Variants in FRMD4B observed in about 807,000 individuals in gnomAD.
FRMD4B encodes FERM domain containing 4B, also known as FERM domain-containing protein 4B.
In FRMD4B, 74 loss-of-function variants were observed where a neutral mutation model predicts 141.5. That is an observed-to-expected ratio of 0.52 (90% confidence interval 0.43 to 0.63). The LOEUF (loss-of-function observed/expected upper bound fraction) is 0.63. FRMD4B is among the 30% of genes least tolerant of loss of function. FRMD4B has a pLI of 0.00. For synonymous variants in FRMD4B, 506 were observed against 467.9 expected (o/e 1.08, Z -1.05); for missense variants, 1,366 against 1,253.4 (o/e 1.09, Z -1.36).
At chr3:69,422,636 T>C (rs1705000453) in intron 2 of FRMD4B, among the ~76,000 whole-genome samples, 1 of 152,208 alleles carries the variant, frequency 6.6e-6, no homozygotes. Flanking sequence ...AATTATTCAT[T>C]TCTGCCTTAT....
intron 1 of FRMD4B, among the ~76,000 whole-genome samples, chr3:69,497,854 G>A (rs914556736): frequency 8.5e-5 from 13 of 152,196 alleles, no homozygotes; most frequent in African/African-American, 3.1e-4. Flanking sequence ...CTGAGTATCT[G>A]GGACTACAGG....
chr3:69,485,317 C>T (rs1045670292), intron 1 of FRMD4B, among the ~76,000 whole-genome samples: 1 of 152,198 alleles, frequency 6.6e-6, no homozygotes, highest in Non-Finnish European at 1.5e-5. Flanking sequence ...GCAAGTGGGG[C>T]CTTTGAGGCC....
chr3:69,225,202 T>C (rs1164848682), intron 7 of FRMD4B, among the ~76,000 whole-genome samples: 1 of 152,186 alleles, frequency 6.6e-6, no homozygotes, highest in East Asian at 1.9e-4. Flanking sequence ...CTCAACCACC[T>C]GTAGAAATCT....
At chr3:69,312,090 G>A (rs1473183249) in intron 2 of FRMD4B, among the ~76,000 whole-genome samples, 1 of 152,140 alleles carries the variant, frequency 6.6e-6, no homozygotes, top group East Asian at 1.9e-4. Flanking sequence ...CAACAGTAAT[G>A]AGCACCTAGT....
At chr3:69,535,651 C>A in intron 1 of FRMD4B, 1 of 214,214 alleles carries the variant, frequency 4.7e-6, no homozygotes, top group Non-Finnish European at 9.7e-6. Context: ...CCGCCCCTGC[C>A]TCCGGCCCTA....
At chr3:69,388,179 C>T (rs1704306514), upstream of FRMD4B, among the ~76,000 whole-genome samples, 1 of 152,058 alleles carries the variant, frequency 6.6e-6, no homozygotes, top group Admixed American at 6.5e-5. Flanking sequence ...GGTCAATTAC[C>T]TCTGTCTCAT....
rs145604818 is a variant in FRMD4B, at chr3:69,221,779, C to A, written c.731+79G>T. ...ATAAGGACTATGTTCACAAAAACTACACAACAGAAATCATTTCAAGTGATA... is the reference window on the plus strand; with the variant it reads ...ATAAGGACTATGTTCACAAAAACTAAACAACAGAAATCATTTCAAGTGATA... On this transcript the variant is annotated intron_variant, in intron 9 of 22. Transcript: ENST00000398540. 2.6e-5 allele frequency: 20 copies of A among 774,954 alleles called. No individual in the cohort carries two copies. The African/African-American group carries it at 3.1e-4, about 12-fold the overall frequency. The allele number at this position is 774,954 out of a possible 1,614,324, so 48.0% of individuals were successfully genotyped here. A position where few individuals can be genotyped will look rare whatever the true frequency, so the allele number is the denominator to read the frequency against.
intron 1 of FRMD4B, among the ~76,000 whole-genome samples, chr3:69,438,969 T>A (rs375254463): frequency 6.6e-6 from 1 of 152,334 alleles, no homozygotes; most frequent in South Asian, 2.1e-4. Flanking sequence ...TTATCTTCTA[T>A]GTTAATTTCT....
At chr3:69,439,741 G>A (rs1705315305) in intron 1 of FRMD4B, among the ~76,000 whole-genome samples, 2 of 152,152 alleles carry the variant, frequency 1.3e-5, no homozygotes, top group East Asian at 3.9e-4. Context: ...TCTTTGCCAA[G>A]TCTCATTGTC....
chr3:69,445,096 T>C (rs940300492), intron 1 of FRMD4B, among the ~76,000 whole-genome samples: 1 of 151,896 alleles, frequency 6.6e-6, no homozygotes, highest in African/African-American at 2.4e-5. Flanking sequence ...GCGGTCAGAG[T>C]GATGCATACA....
chr3:69,530,815 G>A (rs2099832669), intron 1 of FRMD4B, among the ~76,000 whole-genome samples: 1 of 152,168 alleles, frequency 6.6e-6, no homozygotes, highest in African/African-American at 2.4e-5. Flanking sequence ...CGGCAACCGT[G>A]CAGATGTCTG....
chr3:69,285,718 C>T (rs1274395053), intron 5 of FRMD4B, among the ~76,000 whole-genome samples: 1 of 152,006 alleles, frequency 6.6e-6, no homozygotes, highest in East Asian at 1.9e-4. Context: ...GTGGTGCACA[C>T]CTATAGTCCC....
At chr3:69,289,258 T>G (rs1418225802) in intron 4 of FRMD4B, among the ~76,000 whole-genome samples, 2 of 152,242 alleles carry the variant, frequency 1.3e-5, no homozygotes, top group East Asian at 3.8e-4. Flanking sequence ...TGTGTCTTTT[T>G]TAAATTGAAT....
chr3:69,542,070 C>T (rs1229741489), intron 1 of FRMD4B: 1 of 152,128 alleles, frequency 6.6e-6, no homozygotes. Flanking sequence ...CTCCCAAACT[C>T]CTGGGACCCG....
At chr3:69,196,783 CA>C in intron 13 of FRMD4B, 116 bp downstream of exon 13, 6 of 750,720 alleles carry the variant, frequency 8.0e-6, no homozygotes, top group South Asian at 2.0e-5. Flanking sequence ...AAGTTAAACG[CA>C]AAAAAATCTC....
chr3:69,207,581 G>A (rs887508529), intron 11 of FRMD4B, among the ~76,000 whole-genome samples: 5 of 152,060 alleles, frequency 3.3e-5, no homozygotes, highest in African/African-American at 4.8e-5. Context: ...AGGCCGAGGC[G>A]GGTGGATCAC....
intron 10 of FRMD4B, among the ~76,000 whole-genome samples, chr3:69,217,261 C>T (rs530831578): frequency 2.0e-5 from 3 of 152,082 alleles, no homozygotes; most frequent in Non-Finnish European, 4.4e-5. Context: ...AATATACTGA[C>T]ACAGGAAAAG....
chr3:69,298,626 G>T (rs1368726197), intron 4 of FRMD4B, among the ~76,000 whole-genome samples: 1 of 152,186 alleles, frequency 6.6e-6, no homozygotes, highest in Non-Finnish European at 1.5e-5. Context: ...CACCAGGCAT[G>T]CTCTTGCCAA....
At chr3:69,229,264 A>G (rs889649816) in intron 7 of FRMD4B, among the ~76,000 whole-genome samples, 2 of 152,046 alleles carry the variant, frequency 1.3e-5, no homozygotes, top group African/African-American at 4.8e-5. Context: ...GGCCTCCAGC[A>G]ACCTTCCTGC....
Sources: allele counts gnomAD v4.1 joint callset (sites outside exome capture counted in the v4.1 genomes callset), GRCh38; gene constraint gnomAD v4.1.1; transcripts MANE v1.5; gene names NCBI Gene and HGNC (gene_info 2026-07-23, HGNC 2026-07-21).